The following FUT9 variants were observed in gnomAD, a reference collection of about 807,000 sequenced individuals.
The protein encoded by FUT9 is 4-galactosyl-N-acetylglucosaminide 3-alpha-L-fucosyltransferase 9.
In FUT9, 15 loss-of-function variants were observed where a neutral mutation model predicts 29.7. That is an observed-to-expected ratio of 0.51 (90% CI 0.34 to 0.78). The LOEUF (loss-of-function observed/expected upper bound fraction) is 0.78. Ranked by LOEUF, FUT9 falls within the 30% of genes least tolerant of loss-of-function variation. The pLI is 0.01. For missense variants in FUT9, 319 were observed against 425.4 expected, an observed-to-expected ratio of 0.75 and a Z score of 2.20; for synonymous variants, 169 against 153.7, an observed-to-expected ratio of 1.10 and a Z score of -0.74.
At chr6:96,129,288 AAAAACAAAC>A (rs1772196062) in intron 2 of FUT9, among the ~76,000 whole-genome samples, 2 of 6,040 alleles carry the variant, frequency 3.3e-4, no homozygotes, top group Non-Finnish European at 2.6e-3. Flanking sequence ...AAAAAAAAAA[AAAAACAAAC>A]AACCAGCCAT....
chr6:96,028,021 G>C (rs1582178998), intron 1 of FUT9, among the ~76,000 whole-genome samples: 1 of 151,724 alleles, frequency 6.6e-6, no homozygotes, highest in Non-Finnish European at 1.5e-5. Flanking sequence ...AGGTTGGAGT[G>C]AATCAAACAC....
At chr6:96,052,847 T>C (rs1443711520) in intron 1 of FUT9, among the ~76,000 whole-genome samples, 1 of 152,078 alleles carries the variant, frequency 6.6e-6, no homozygotes, top group Non-Finnish European at 1.5e-5. Context: ...ATGAAGGTGG[T>C]GTGGAGAGAA....
Position 96,211,933 on chromosome 6 carries a change from GTAAGT to G in FUT9, c.*7706_*7710del, listed in dbSNP as rs1206394853. The G allele has an allele frequency of 7.4e-6, 3 of 407,838 alleles. No homozygotes were observed. The highest frequency in any genetic ancestry group is 1.3e-5 in the Non-Finnish European group (3 of 222,936). The allele number at this position is 407,838 out of a possible 1,614,324, so 25.3% of individuals were successfully genotyped here. On this transcript the variant is annotated 3_prime_UTR_variant, in exon 3 of 3. Coordinates refer to ENST00000302103, the MANE Select transcript of FUT9 (RefSeq NM_006581.4). ...ATTTTGAATTAGTTGTGTAAGTAAA[GTAAGT>G]TAAGTTATAGCTTGCTGGAATTTTA... is the stretch of plus-strand genomic sequence containing the variant.
chr6:96,053,184 G>T (rs1457710137), intron 1 of FUT9, among the ~76,000 whole-genome samples: 1 of 151,582 alleles, frequency 6.6e-6, no homozygotes, highest in East Asian at 1.9e-4. Context: ...TATTCTTCAG[G>T]GTTATTTTAG....
At chr6:96,141,916 T>C (rs1203529202) in intron 2 of FUT9, among the ~76,000 whole-genome samples, 1 of 152,208 alleles carries the variant, frequency 6.6e-6, no homozygotes, top group Non-Finnish European at 1.5e-5. Context: ...TGTGTACTCA[T>C]CTTCCAATTC....
intron 1 of FUT9, among the ~76,000 whole-genome samples, chr6:96,068,941 CTT>C (rs1458072804): frequency 6.6e-6 from 1 of 152,120 alleles, no homozygotes; most frequent in Non-Finnish European, 1.5e-5. Context: ...AATCCAAAGA[CTT>C]TTTGTACGCA....
intron 2 of FUT9, among the ~76,000 whole-genome samples, chr6:96,170,627 C>A (rs1773096912): frequency 6.6e-6 from 1 of 151,722 alleles, no homozygotes. Flanking sequence ...AGAATCATTG[C>A]CTTCTAGGTT....
intron 2 of FUT9, among the ~76,000 whole-genome samples, chr6:96,172,046 C>T (rs1317981884): frequency 6.6e-6 from 1 of 152,080 alleles, no homozygotes; most frequent in African/African-American, 2.4e-5. Flanking sequence ...CTAAGAGTTC[C>T]AGGGGCTGGA....
chr6:96,097,416 C>G (rs1284307789), intron 1 of FUT9, among the ~76,000 whole-genome samples: 1 of 151,904 alleles, frequency 6.6e-6, no homozygotes, highest in Admixed American at 6.6e-5. Flanking sequence ...TGGAAATTAG[C>G]AAACAAGTCA....
intron 1 of FUT9, among the ~76,000 whole-genome samples, chr6:96,021,816 T>C (rs1320765087): frequency 6.6e-6 from 1 of 152,032 alleles, no homozygotes; most frequent in Non-Finnish European, 1.5e-5. Flanking sequence ...GTAAAGTTTA[T>C]AATATATATG....
intron 2 of FUT9, among the ~76,000 whole-genome samples, chr6:96,159,894 C>T (rs1285642493): frequency 6.6e-6 from 1 of 152,116 alleles, no homozygotes; most frequent in African/African-American, 2.4e-5. Flanking sequence ...ACCATGTCAA[C>T]TTTTAGTTAT....
intron 1 of FUT9, among the ~76,000 whole-genome samples, chr6:96,081,029 A>G (rs9404200): frequency 6.6e-6 from 1 of 151,906 alleles, no homozygotes; most frequent in Non-Finnish European, 1.5e-5. Flanking sequence ...AATAACACCA[A>G]AAATTGTTTG....
chr6:96,056,331 C>T (rs1366347115), intron 1 of FUT9, among the ~76,000 whole-genome samples: 1 of 152,190 alleles, frequency 6.6e-6, no homozygotes, highest in East Asian at 1.9e-4. Flanking sequence ...CAAAGTCATA[C>T]ATATGAGATC....
At chr6:96,066,297 C>T (rs1255675917) in intron 1 of FUT9, among the ~76,000 whole-genome samples, 1 of 151,678 alleles carries the variant, frequency 6.6e-6, no homozygotes, top group African/African-American at 2.4e-5. Context: ...ACATTTAATA[C>T]ATTTGTATAT....
At chr6:96,087,940 A>G (rs1472196614) in intron 1 of FUT9, among the ~76,000 whole-genome samples, 8 of 152,102 alleles carry the variant, frequency 5.3e-5, no homozygotes, top group Admixed American at 4.6e-4. Context: ...TAGCTCTTGT[A>G]TGTGTCTGAG....
Position 96,204,347 on chromosome 6 carries a change from C to A in FUT9, c.*112C>A, listed in dbSNP as rs758696937. On this transcript the variant is annotated 3_prime_UTR_variant, in exon 3 of 3. Transcript: ENST00000302103. ...TTTGTGTCACAATTTATTTTTATCA[C>A]CCTCTCTAGGGTAACGTGTATATTT... 5.6e-6 allele frequency: 4 copies of A among 716,596 alleles called. No individual in the cohort carries two copies. Among genetic ancestry groups the A allele is most frequent in the Admixed American group, 6.2e-5 (2 of 32,432 alleles). 44.4% of individuals were successfully genotyped at this position (716,596 alleles called of 1,614,324 possible).
At chr6:96,107,779 G>A (rs1172806032) in intron 1 of FUT9, among the ~76,000 whole-genome samples, 1 of 152,092 alleles carries the variant, frequency 6.6e-6, no homozygotes, top group Non-Finnish European at 1.5e-5. Context: ...TTCAAGGCTA[G>A]CCTTCTACAG....
chr6:96,110,815 C>CTATTATTTATTTATTTATT (rs1554193306), intron 1 of FUT9, among the ~76,000 whole-genome samples: 7 of 145,152 alleles, frequency 4.8e-5, no homozygotes, highest in South Asian at 2.3e-4. Flanking sequence ...ACAAATGTGC[C>CTATTATTTATTTATTTATT]TATTTATTTA....
At chr6:96,121,027 A>G (rs191732127) in intron 2 of FUT9, among the ~76,000 whole-genome samples, 9 of 152,298 alleles carry the variant, frequency 5.9e-5, no homozygotes, top group Admixed American at 2.0e-4. Context: ...ATAGTTGGTA[A>G]TACAGAATCC....
Sources: gnomAD v4.1 joint callset for allele counts (sites outside exome capture counted in the v4.1 genomes callset) on GRCh38, gnomAD v4.1.1 for gene constraint, MANE v1.5 for transcripts, NCBI Gene and HGNC (gene_info 2026-07-23, HGNC 2026-07-21) for gene names.